Variants in DCLK2 observed in about 807,000 individuals in gnomAD.
DCLK2 encodes the protein serine/threonine-protein kinase DCLK2.
DCLK2 carries 31 observed loss-of-function variants against 78.4 expected under a neutral mutation model. The ratio of observed to expected loss-of-function variants is 0.40; its 90% CI spans 0.30 to 0.53. The LOEUF (loss-of-function observed/expected upper bound fraction) is 0.53, where lower values mean the gene tolerates loss of function less well. Among genes scored for constraint, DCLK2 ranks in the 20% least tolerant of loss-of-function variants. The pLI is 0.61. For synonymous variants in DCLK2, 407 were observed against 374.9 expected (o/e 1.09, Z -0.99); for missense variants, 872 against 973.7 (o/e 0.90, Z 1.39).
chr4:150,133,435 A>G (rs757339266), intron 2 of DCLK2, among the ~76,000 whole-genome samples: 1 of 152,238 alleles, frequency 6.6e-6, no homozygotes, highest in Non-Finnish European at 1.5e-5. Flanking sequence ...AATAATGAGC[A>G]TTGAACATAC....
intron 2 of DCLK2, among the ~76,000 whole-genome samples, chr4:150,105,849 TAAAG>T (rs1179496683): frequency 1.3e-5 from 2 of 152,014 alleles, no homozygotes; most frequent in East Asian, 1.9e-4. Flanking sequence ...TTTGTACAGT[TAAAG>T]AAAAGTAGCA....
chr4:150,157,264 T>G (rs1318020739), intron 2 of DCLK2, among the ~76,000 whole-genome samples: 1 of 151,834 alleles, frequency 6.6e-6, no homozygotes, highest in East Asian at 1.9e-4. Context: ...TTTTAAAATT[T>G]TACATTTTTG....
intron 1 of DCLK2, among the ~76,000 whole-genome samples, chr4:150,083,050 G>A (rs1046897453): frequency 1.3e-5 from 2 of 152,156 alleles, no homozygotes; most frequent in African/African-American, 4.8e-5. Flanking sequence ...GACCACCTAA[G>A]TTAGGTCTCT....
rs1308123484 is a variant in DCLK2, at chr4:150,175,114, A to ATG, written c.757-18023_757-18022insGT. Among the ~76,000 whole-genome samples the ATG allele has an allele frequency of 2.1e-3, 199 of 94,516 alleles. 42 individuals are homozygous for ATG. The highest frequency in any genetic ancestry group is 9.3e-3 in the Middle Eastern group (2 of 216). The allele number at this position is 94,516 out of a possible 152,430, so 62.0% of individuals were successfully genotyped here. A position where few individuals can be genotyped will look rare whatever the true frequency, so the allele number is the denominator to read the frequency against. ...TATATTTATATATATTTATATATTTATATTTTTTATATATATATAATTTAT... is the reference window on the plus strand; with the variant it reads ...TATATTTATATATATTTATATATTTATGTATTTTTTATATATATATAATTTAT... On this transcript the variant is annotated intron_variant, in intron 2 of 15. Coordinates refer to ENST00000296550, the MANE Select transcript of DCLK2 (RefSeq NM_001040260.4).
At chr4:150,098,588 T>C (rs1425661620) in intron 1 of DCLK2, among the ~76,000 whole-genome samples, 2 of 152,162 alleles carry the variant, frequency 1.3e-5, no homozygotes, top group African/African-American at 2.4e-5. Context: ...TGTCTAGTGG[T>C]GAAGTCTGAG....
chr4:150,127,985 G>T (rs954364521), intron 2 of DCLK2, among the ~76,000 whole-genome samples: 36 of 152,236 alleles, frequency 2.4e-4, no homozygotes, highest in African/African-American at 8.7e-4. Context: ...ACTTGGCTCA[G>T]AAGGAGCTGT....
intron 2 of DCLK2, among the ~76,000 whole-genome samples, chr4:150,192,607 A>C (rs923435107): frequency 1.3e-5 from 2 of 152,070 alleles, no homozygotes; most frequent in Non-Finnish European, 2.9e-5. Flanking sequence ...TGCTGGTGGT[A>C]GGGATGATGG....
rs187745462 is a variant in DCLK2, at chr4:150,153,033, C to T, written c.757-40105C>T. 2.0e-5 allele frequency among the ~76,000 whole-genome samples: 3 copies of T among 152,308 alleles called. No individual in the cohort carries two copies. The East Asian group carries it at 5.8e-4, about 29-fold the overall frequency. On this transcript the variant is annotated intron_variant, in intron 2 of 15. Coordinates refer to ENST00000296550, the MANE Select transcript of DCLK2 (RefSeq NM_001040260.4). ...CTCTCCAGAGTTGGAACATTTAAAG[C>T]AGGGCTTTGACAAGTGAGCAGGACT...
chr4:150,083,033 G>A (rs1729412406), intron 1 of DCLK2, among the ~76,000 whole-genome samples: 1 of 152,210 alleles, frequency 6.6e-6, no homozygotes, highest in Non-Finnish European at 1.5e-5. Context: ...AGGATGAGAA[G>A]TTGGCAGACC....
intron 1 of DCLK2, among the ~76,000 whole-genome samples, chr4:150,088,466 T>G (rs1279544278): frequency 6.6e-6 from 1 of 152,096 alleles, no homozygotes; most frequent in Non-Finnish European, 1.5e-5. Flanking sequence ...TTTTCTTTTT[T>G]CTTTTTAAAT....
At chr4:150,091,192 A>T (rs1730036381) in intron 1 of DCLK2, among the ~76,000 whole-genome samples, 1 of 152,170 alleles carries the variant, frequency 6.6e-6, no homozygotes, top group African/African-American at 2.4e-5. Flanking sequence ...TTAAAATTAT[A>T]ATCCACCCGG....
At chr4:150,101,607 T>C (rs1730897522) in intron 1 of DCLK2, among the ~76,000 whole-genome samples, 1 of 152,150 alleles carries the variant, frequency 6.6e-6, no homozygotes, top group Non-Finnish European at 1.5e-5. Flanking sequence ...CTTGGGTGAT[T>C]CTGACTTTCC....
At chr4:150,207,543 G>A (rs182445545) in intron 5 of DCLK2, among the ~76,000 whole-genome samples, 284 of 152,252 alleles carry the variant, frequency 1.9e-3, no homozygotes, top group South Asian at 3.5e-3. Context: ...AAATGTACTC[G>A]TAGTTTTCTT....
chr4:150,109,768 C>G (rs1292470666), intron 2 of DCLK2, among the ~76,000 whole-genome samples: 1 of 152,138 alleles, frequency 6.6e-6, no homozygotes, highest in African/African-American at 2.4e-5. Flanking sequence ...CAAGAATCAA[C>G]AGACTAAGAG....
At chr4:150,138,939 C>T (rs1440500587) in intron 2 of DCLK2, among the ~76,000 whole-genome samples, 1 of 151,748 alleles carries the variant, frequency 6.6e-6, no homozygotes, top group Non-Finnish European at 1.5e-5. Context: ...GCTGGGATTA[C>T]AGGTGTGAGC....
At chr4:150,238,804 T>C (rs1008917677) in intron 10 of DCLK2, among the ~76,000 whole-genome samples, 2 of 152,070 alleles carry the variant, frequency 1.3e-5, no homozygotes, top group African/African-American at 4.8e-5. Flanking sequence ...ACTTCAGAGG[T>C]CACACAACCA....
At chr4:150,250,769 C>T (rs1414126889) in intron 15 of DCLK2, among the ~76,000 whole-genome samples, 1 of 151,538 alleles carries the variant, frequency 6.6e-6, no homozygotes, top group Admixed American at 6.6e-5. Flanking sequence ...GGCATATTCT[C>T]ATGGTACATG....
intron 2 of DCLK2, among the ~76,000 whole-genome samples, chr4:150,127,110 T>G (rs536767219): frequency 3.3e-5 from 5 of 152,346 alleles, no homozygotes; most frequent in South Asian, 2.1e-4. Context: ...TCAATATATC[T>G]CATTACTGGT....
intron 2 of DCLK2, among the ~76,000 whole-genome samples, chr4:150,151,381 C>G (rs904444349): frequency 1.3e-5 from 2 of 152,158 alleles, no homozygotes; most frequent in Non-Finnish European, 2.9e-5. Context: ...TTGGGACAGC[C>G]AATTAGAACC....
Sources: allele counts gnomAD v4.1 joint callset (sites outside exome capture counted in the v4.1 genomes callset), GRCh38; gene constraint gnomAD v4.1.1; transcripts MANE v1.5; gene names NCBI Gene and HGNC (gene_info 2026-07-23, HGNC 2026-07-21).